The following ITPR1 variants were observed in gnomAD, a reference collection of about 807,000 sequenced individuals.
ITPR1 encodes inositol 1,4,5-trisphosphate receptor type 1.
ITPR1 carries 96 observed loss-of-function variants against 318.4 expected under a neutral mutation model. The observed-to-expected ratio is 0.30, with a 90% CI of 0.26 to 0.36. The LOEUF is 0.36. Among genes scored for constraint, ITPR1 ranks in the 10% least tolerant of loss-of-function variants. ITPR1 has a pLI of 1.00. For missense variants in ITPR1, 2,440 were observed against 3,460.2 expected, an observed-to-expected ratio of 0.71 and a Z score of 7.40; for synonymous variants, 1,312 against 1,289.9, an observed-to-expected ratio of 1.02 and a Z score of -0.37.
chr3:4,845,004 T>C (rs1009910922), intron 61 of ITPR1, among the ~76,000 whole-genome samples: 1 of 152,222 alleles, frequency 6.6e-6, no homozygotes, highest in Non-Finnish European at 1.5e-5. Flanking sequence ...AAGTGTCACA[T>C]CTACTATGTG....
chr3:4,846,367 A>G lies in ITPR1; in HGVS notation c.*142A>G, dbSNP rs1233198830. 2 of 469,738 alleles carry G rather than the reference A, an allele frequency of 4.3e-6. No homozygotes were observed. Among genetic ancestry groups the G allele is most frequent in the African/African-American group, 2.0e-5 (1 of 50,030 alleles). The allele number at this position is 469,738 out of a possible 1,614,324, so 29.1% of individuals were successfully genotyped here. ...CTCAGTTTTATACTGTATGTATATG[A>G]TTGCTACTCTAAAGGTTTGGATATA... On this transcript the variant is annotated 3_prime_UTR_variant, in exon 62 of 62. Coordinates refer to ENST00000649015, the MANE Select transcript of ITPR1 (RefSeq NM_001378452.1).
At chr3:4,591,820 T>A (rs1217458726) in intron 4 of ITPR1, among the ~76,000 whole-genome samples, 2 of 152,208 alleles carry the variant, frequency 1.3e-5, no homozygotes, top group Non-Finnish European at 2.9e-5. Context: ...GTATTGAACA[T>A]AATGGCTCAC....
intron 4 of ITPR1, among the ~76,000 whole-genome samples, chr3:4,572,944 A>G (rs2088185443): frequency 6.6e-6 from 1 of 152,192 alleles, no homozygotes; most frequent in African/African-American, 2.4e-5. Flanking sequence ...AGGTGAAATA[A>G]TACTCCACTG....
chr3:4,825,631 C>A (rs2050022658), intron 60 of ITPR1: 2 of 433,918 alleles, frequency 4.6e-6, no homozygotes, highest in South Asian at 3.3e-5. Context: ...GATAAGATGA[C>A]ACAGGAAGCA....
At chr3:4,546,514 G>T (rs2085018824) in intron 4 of ITPR1, among the ~76,000 whole-genome samples, 1 of 152,194 alleles carries the variant, frequency 6.6e-6, no homozygotes. Flanking sequence ...TCTTGCCTCA[G>T]ACAGAGCTCG....
At chr3:4,722,099 G>A (rs1314527328) in intron 40 of ITPR1, among the ~76,000 whole-genome samples, 2 of 152,172 alleles carry the variant, frequency 1.3e-5, no homozygotes, top group Non-Finnish European at 2.9e-5. Flanking sequence ...ATCCAGGAAG[G>A]ACACTTAAGA....
chr3:4,643,217 A>G (rs1022776510), intron 7 of ITPR1, among the ~76,000 whole-genome samples: 1 of 152,248 alleles, frequency 6.6e-6, no homozygotes, highest in African/African-American at 2.4e-5. Context: ...GATTTATTGA[A>G]TGAACTTATA....
At chr3:4,636,679 T>A (rs2093201595) in intron 5 of ITPR1, among the ~76,000 whole-genome samples, 1 of 152,222 alleles carries the variant, frequency 6.6e-6, no homozygotes, top group Non-Finnish European at 1.5e-5. Context: ...TCCGCCTGCC[T>A]CGGCCTCCCA....
At chr3:4,748,441 G>A (rs527250843) in intron 44 of ITPR1, among the ~76,000 whole-genome samples, 2 of 54,048 alleles carry the variant, frequency 3.7e-5, no homozygotes, top group Non-Finnish European at 4.8e-5. Flanking sequence ...TGGAATGGAA[G>A]CACATTTTTT....
At chr3:4,568,646 C>G (rs1273395499) in intron 4 of ITPR1, among the ~76,000 whole-genome samples, 2 of 152,062 alleles carry the variant, frequency 1.3e-5, no homozygotes, top group South Asian at 2.1e-4. Context: ...GGTAACGCAG[C>G]CTGCAAAATC....
At chr3:4,734,680 G>A (rs1349080554) in intron 43 of ITPR1, among the ~76,000 whole-genome samples, 1 of 152,202 alleles carries the variant, frequency 6.6e-6, no homozygotes, top group African/African-American at 2.4e-5. Context: ...GCAAACATTT[G>A]TTGAATGAAT....
intron 61 of ITPR1, among the ~76,000 whole-genome samples, chr3:4,840,029 C>CTTT (rs56096727): frequency 0.011 from 1,146 of 104,540 alleles, 141 homozygotes; most frequent in African/African-American, 0.014. Flanking sequence ...AGCATAGCTG[C>CTTT]TTTTTTTTTT....
At chr3:4,651,764 T>C (rs73108495) in intron 10 of ITPR1, among the ~76,000 whole-genome samples, 3 of 152,214 alleles carry the variant, frequency 2.0e-5, no homozygotes, top group South Asian at 2.1e-4. Context: ...CATGAGTACA[T>C]GCGTAGATTG....
intron 14 of ITPR1, 37 bp downstream of exon 14, chr3:4,661,124 G>A (rs146754064): frequency 1.6e-5 from 20 of 1,243,732 alleles, no homozygotes; most frequent in African/African-American, 8.9e-5. Context: ...TTTTGGTCTC[G>A]TGTTTCCTAA....
At chr3:4,635,845 C>G (rs1320388999) in intron 5 of ITPR1, among the ~76,000 whole-genome samples, 2 of 151,662 alleles carry the variant, frequency 1.3e-5, no homozygotes, top group Non-Finnish European at 2.9e-5. Flanking sequence ...ATAGTTTTGT[C>G]TAAATACCAG....
At chr3:4,743,492 A>C (rs1008626590) in intron 44 of ITPR1, among the ~76,000 whole-genome samples, 4 of 152,226 alleles carry the variant, frequency 2.6e-5, no homozygotes, top group African/African-American at 9.6e-5. Flanking sequence ...AGTTCGGGGC[A>C]AGAAATTACT....
chr3:4,716,049 A>G (rs1282881902), intron 39 of ITPR1, among the ~76,000 whole-genome samples: 4 of 152,194 alleles, frequency 2.6e-5, no homozygotes, highest in African/African-American at 9.7e-5. Flanking sequence ...TTATCACCAA[A>G]ATAATGATGA....
rs3805028 is a variant in ITPR1 at position 4,828,272 on chromosome 3, T to C, written c.8029-8502T>C. ...AATACTACTGGAATCCAGAAAAGAA[T>C]AGAAGAAAACCACGAAAATTGCTAA... On this transcript the variant is annotated intron_variant, in intron 60 of 61. Coordinates refer to ENST00000649015, the MANE Select transcript of ITPR1 (RefSeq NM_001378452.1). Among the ~76,000 whole-genome samples, 84 of 152,202 alleles carry C rather than the reference T, an allele frequency of 5.5e-4. No individual in the cohort carries two copies. The East Asian group carries it at 0.015, about 27-fold the overall frequency.
chr3:4,766,272 C>A (rs1482563228), intron 44 of ITPR1, among the ~76,000 whole-genome samples: 1 of 152,232 alleles, frequency 6.6e-6, no homozygotes, highest in Admixed American at 6.5e-5. Context: ...AGTCTGCCCA[C>A]CACACTCGAG....
Sources: gnomAD v4.1 joint callset for allele counts (sites outside exome capture counted in the v4.1 genomes callset) on GRCh38, gnomAD v4.1.1 for gene constraint, MANE v1.5 for transcripts, NCBI Gene and HGNC (gene_info 2026-07-23, HGNC 2026-07-21) for gene names.